Variants in NFAM1 observed in about 807,000 individuals in gnomAD.
NFAM1 encodes NFAT activation molecule 1.
In NFAM1, 17 loss-of-function variants were observed where a neutral mutation model predicts 29.0. That is an observed-to-expected ratio of 0.59 (90% CI 0.40 to 0.88). The LOEUF (loss-of-function observed/expected upper bound fraction) is 0.88, where lower values mean the gene tolerates loss of function less well. NFAM1 is among the 40% of genes least tolerant of loss of function. NFAM1 has a pLI of 0.00. For synonymous variants in NFAM1, 175 were observed against 147.2 expected (o/e 1.19, Z -1.36); for missense variants, 324 against 344.6 (o/e 0.94, Z 0.47).
chr22:42,424,211 T>C (rs936795030), intron 1 of NFAM1, among the ~76,000 whole-genome samples: 85 of 152,132 alleles, frequency 5.6e-4, no homozygotes, highest in African/African-American at 1.2e-3. Context: ...GTCAGGAGAT[T>C]GAGACCATCC....
intron 1 of NFAM1, among the ~76,000 whole-genome samples, chr22:42,423,826 T>C (rs1406205349): frequency 2.0e-5 from 3 of 151,946 alleles, no homozygotes; most frequent in African/African-American, 7.3e-5. Context: ...GTTCAAGAGA[T>C]TCTCCTGCCT....
chr22:42,415,453 C>A (rs189560937), intron 1 of NFAM1, among the ~76,000 whole-genome samples: 107 of 152,232 alleles, frequency 7.0e-4, no homozygotes, highest in Middle Eastern at 3.4e-3. Flanking sequence ...GCACCCGCCA[C>A]CATGCCTGGC....
rs892432053 is a variant in NFAM1 at position 42,419,679 on chromosome 22, G to A, written c.122-7943C>T. On this transcript the variant is annotated intron_variant, in intron 1 of 5. Transcript: ENST00000329021. This position sits in a 1 kb window ranked among gnomAD's most constrained non-coding sequence, Gnocchi z 4.5. ...CTGCCACACTCCGGCGCCTTCGCCC[G>A]TGCTGTTCCGGCTGTGCGGAATGTC... Among the ~76,000 whole-genome samples the A allele has an allele frequency of 9.2e-5, 14 of 152,166 alleles. No individual in the cohort carries two copies. The highest frequency in any genetic ancestry group is 1.6e-4 in the Non-Finnish European group (11 of 68,012).
chr22:42,411,800 G>A (rs1601751364), intron 1 of NFAM1, 64 bp from the exon 2 acceptor site: 5 of 1,159,298 alleles, frequency 4.3e-6, no homozygotes, highest in Non-Finnish European at 6.4e-6. Context: ...CCACCCACTT[G>A]CCTGTTAAGG....
chr22:42,429,428 C>T (rs1053703703), intron 1 of NFAM1, among the ~76,000 whole-genome samples: 1 of 152,020 alleles, frequency 6.6e-6, no homozygotes, highest in Admixed American at 6.5e-5. Context: ...CCAGCCTGGC[C>T]AACACGGTGA....
chr22:42,396,188 C>T (rs562773887), intron 4 of NFAM1, among the ~76,000 whole-genome samples: 2 of 152,140 alleles, frequency 1.3e-5, no homozygotes, highest in African/African-American at 2.4e-5. Context: ...GTCTGTTCAC[C>T]TCACTCCAGA....
chr22:42,396,735 G>C (rs746555805), intron 4 of NFAM1, among the ~76,000 whole-genome samples: 29 of 152,168 alleles, frequency 1.9e-4, no homozygotes, highest in African/African-American at 6.8e-4. Flanking sequence ...CATTCCACTT[G>C]GAACTGTTGG....
chr22:42,428,276 T>C (rs1185580582), intron 1 of NFAM1, among the ~76,000 whole-genome samples: 5 of 152,006 alleles, frequency 3.3e-5, no homozygotes, highest in Non-Finnish European at 5.9e-5. Context: ...TTTCCAGCAC[T>C]CCCCTGCCTC....
intron 4 of NFAM1, among the ~76,000 whole-genome samples, chr22:42,389,108 G>A (rs1417356787): frequency 3.9e-5 from 6 of 152,228 alleles, no homozygotes; most frequent in African/African-American, 1.4e-4. Context: ...AGAGAAAAGG[G>A]AGGGGAGCAG....
At chr22:42,412,002 G>A (rs1930111715) in intron 1 of NFAM1, among the ~76,000 whole-genome samples, 1 of 152,174 alleles carries the variant, frequency 6.6e-6, no homozygotes, top group Non-Finnish European at 1.5e-5. Flanking sequence ...GGAGGCTAAG[G>A]TGGGCCGATC....
Position 42,419,987 on chromosome 22 carries a change from T to C in NFAM1, c.122-8251A>G, listed in dbSNP as rs1418582564. Among the ~76,000 whole-genome samples, 2 of 15,600 alleles carry C rather than the reference T, an allele frequency of 1.3e-4. No individual in the cohort carries two copies. The highest frequency in any genetic ancestry group is 3.1e-3 in the South Asian group (1 of 320). The allele number at this position is 15,600 out of a possible 152,430, so 10.2% of individuals were successfully genotyped here. The stretch of plus-strand genomic sequence containing the variant: ...TCCCTTTGAGTCTGTAATCCCACTC[T>C]TGGTTTTTTTTTTTTTTTTTTTTTT... On this transcript the variant is annotated intron_variant, in intron 1 of 5. Transcript: ENST00000329021. This position sits in a 1 kb window ranked among gnomAD's most constrained non-coding sequence, Gnocchi z 4.5.
intron 1 of NFAM1, among the ~76,000 whole-genome samples, chr22:42,427,663 AAACG>A (rs1930666374): frequency 6.6e-6 from 1 of 152,204 alleles, no homozygotes. Flanking sequence ...TATAGCAACA[AAACG>A]AACTTCAGCC....
At chr22:42,426,672 G>C (rs1930632963) in intron 1 of NFAM1, among the ~76,000 whole-genome samples, 1 of 152,196 alleles carries the variant, frequency 6.6e-6, no homozygotes, top group African/African-American at 2.4e-5. Flanking sequence ...CTGCCTACAG[G>C]GGGACTGGGG....
intron 4 of NFAM1, 54 bp from the exon 5 acceptor site, chr22:42,387,132 T>C: frequency 9.4e-7 from 1 of 1,061,180 alleles, no homozygotes; most frequent in South Asian, 1.4e-5. Flanking sequence ...GGGCAGTCCC[T>C]GGCCCCAGCA....
At chr22:42,414,582 AT>A (rs1368616226) in intron 1 of NFAM1, among the ~76,000 whole-genome samples, 6 of 151,158 alleles carry the variant, frequency 4.0e-5, no homozygotes, top group Admixed American at 1.3e-4. Context: ...AATTAAAAAA[AT>A]TTTTTTTTAG....
intron 3 of NFAM1, among the ~76,000 whole-genome samples, chr22:42,399,138 C>A (rs1929635111): frequency 6.6e-6 from 1 of 152,066 alleles, no homozygotes; most frequent in Non-Finnish European, 1.5e-5. Context: ...GGTCTGGAGG[C>A]ACGTGGAGAA....
intron 5 of NFAM1, among the ~76,000 whole-genome samples, 198 bp from the exon 6 acceptor site, chr22:42,385,418 G>A (rs2147086621): frequency 8.7e-6 from 1 of 115,020 alleles, no homozygotes; most frequent in South Asian, 2.7e-4. Flanking sequence ...CCTGCCCATT[G>A]CCCTCCAGCC....
chr22:42,397,883 T>C lies in NFAM1; in HGVS notation c.638A>G (p.Gln213Arg), dbSNP rs775568318. Residue 213 changes from glutamine (Q) to arginine (R), a missense_variant, in exon 4 of 6, where the codon CAG (glutamine) becomes CGG (arginine). Gln to Arg is a conservative substitution (Grantham distance 43). Transcript: ENST00000329021. ...TGTGTAGACAGATTCTGAAGGATGCTGCTTGGGGCTGCTGGCAGATCTTGG... is the reference window on the plus strand; with the variant it reads ...TGTGTAGACAGATTCTGAAGGATGCCGCTTGGGGCTGCTGGCAGATCTTGG... ...PDPRSASSPK[Q>R]HPSESVYTAL... is the part of the protein sequence containing the mutation. The C allele has an allele frequency of 6.2e-7, 1 of 1,612,952 alleles. No homozygotes were observed. The highest frequency in any genetic ancestry group is 2.2e-5 in the East Asian group (1 of 44,874).
At chr22:42,414,264 AG>A (rs1382470207) in intron 1 of NFAM1, among the ~76,000 whole-genome samples, 5 of 152,238 alleles carry the variant, frequency 3.3e-5, no homozygotes, top group South Asian at 2.1e-4. Flanking sequence ...TGGACGGAGC[AG>A]GGGGGATTTT....
Sources: allele counts gnomAD v4.1 joint callset (sites outside exome capture counted in the v4.1 genomes callset), GRCh38; gene constraint gnomAD v4.1.1; non-coding constraint Gnocchi (gnomAD v3.1); transcripts MANE v1.5; gene names NCBI Gene and HGNC (gene_info 2026-07-23, HGNC 2026-07-21).